The following CHM variants were observed in gnomAD, a reference collection of about 807,000 sequenced individuals.
CHM encodes rab proteins geranylgeranyltransferase component A 1.
A neutral mutation model predicts 49.0 loss-of-function variants in CHM; 10 were observed. The ratio of observed to expected loss-of-function variants is 0.20; its 90% CI spans 0.13 to 0.35. The LOEUF is 0.35. CHM is among the 10% of genes least tolerant of loss of function. The probability of loss-of-function intolerance (pLI) is 1.00; values close to 1 mark genes in which losing one functional copy is unlikely to be tolerated. For synonymous variants in CHM, 184 were observed against 167.5 expected, an observed-to-expected ratio of 1.10 and a Z score of -0.76; for missense variants, 455 against 478.4, an observed-to-expected ratio of 0.95 and a Z score of 0.46.
intron 8 of CHM, among the ~76,000 whole-genome samples, chrX:85,925,475 G>A (rs930337171): frequency 9.0e-6 from 1 of 111,311 alleles, no homozygotes; most frequent in African/African-American, 3.3e-5. Context: ...AGATACCTAA[G>A]CAAATTCATT....
At chrX:86,037,843 G>A (rs1484171339) in intron 1 of CHM, among the ~76,000 whole-genome samples, 1 of 111,111 alleles carries the variant, frequency 9.0e-6, no homozygotes, top group Non-Finnish European at 1.9e-5. Flanking sequence ...TAAGATGCAT[G>A]ATGTATCCAT....
At chrX:85,934,567 G>A (rs6623541) in intron 8 of CHM, among the ~76,000 whole-genome samples, 4 of 108,274 alleles carry the variant, frequency 3.7e-5, no homozygotes, top group Non-Finnish European at 7.6e-5. Context: ...AGTTTGCTCA[G>A]AATGATGGTT....
intron 2 of CHM, among the ~76,000 whole-genome samples, chrX:85,986,248 T>C (rs934943035): frequency 9.0e-6 from 1 of 111,081 alleles, no homozygotes; most frequent in African/African-American, 3.3e-5. Flanking sequence ...GCCCCCAGGA[T>C]ACAAGTAAAA....
At chrX:85,899,686 CG>C (rs752552246) in intron 11 of CHM, among the ~76,000 whole-genome samples, 1,145 of 65,934 alleles carry the variant, frequency 0.017, 14 homozygotes, top group African/African-American at 0.049. Flanking sequence ...ACCCACCCCC[CG>C]CCCCAAAAAA....
Position 86,013,947 on chromosome X carries a change from T to A in CHM, c.116+13544A>T, listed in dbSNP as rs1304030965. On this transcript the variant is annotated intron_variant, in intron 2 of 14. Transcript: ENST00000357749. ...GGGCCAGAGAGTAAATATTTTAGGC[T>A]TTGCAGGCCACACAGCCTCTGTTGC... Among the ~76,000 whole-genome samples, 4 of 111,721 alleles carry A rather than the reference T, an allele frequency of 3.6e-5. No individual in the cohort carries two copies. In the Admixed American group the frequency reaches 3.8e-4, roughly 11 times the overall value.
chrX:85,973,585 A>G (rs1931088620), intron 4 of CHM, among the ~76,000 whole-genome samples: 1 of 110,902 alleles, frequency 9.0e-6, no homozygotes, highest in South Asian at 3.8e-4. Context: ...AATACAGTAA[A>G]CTCTTGGCAT....
At chrX:85,878,018 G>A (rs1924519257) in intron 13 of CHM, among the ~76,000 whole-genome samples, 1 of 111,579 alleles carries the variant, frequency 9.0e-6, no homozygotes, top group East Asian at 2.8e-4. Flanking sequence ...AATGCAAAAG[G>A]CTTCTTTTAT....
intron 12 of CHM, among the ~76,000 whole-genome samples, chrX:85,888,508 C>T (rs1454212152): frequency 5.4e-5 from 6 of 111,345 alleles, no homozygotes; most frequent in Non-Finnish European, 5.7e-5. Flanking sequence ...TTCCTGAGTA[C>T]AGCTAAAAAT....
At chrX:86,033,335 T>C (rs1934112803) in intron 1 of CHM, among the ~76,000 whole-genome samples, 1 of 112,277 alleles carries the variant, frequency 8.9e-6, no homozygotes, top group Non-Finnish European at 1.9e-5. Context: ...TCAAATCATA[T>C]GAAACCATAA....
rs1933878477 is a variant in CHM at position 86,027,529 on chromosome X, T to C, written c.78A>G (p.Ala26=). The change falls in exon 2 of 15, where the codon GCA becomes GCG. Residue 26 remains alanine (A), a synonymous_variant. Coordinates refer to ENST00000357749, the MANE Select transcript of CHM (RefSeq NM_000390.4). The part of the protein sequence containing the change: ...TGLPESIIAA[A]CSRSGRRVLH... ...GAACTCTCCGGCCACTTCTTGAACA[T>C]GCAGCTGCAATGATGGATTCAGGCA... The C allele has an allele frequency of 8.3e-7, 1 of 1,207,848 alleles. No individual in the cohort carries two copies. The highest frequency in any genetic ancestry group is 1.8e-5 in the African/African-American group (1 of 57,031).
intron 2 of CHM, among the ~76,000 whole-genome samples, chrX:86,008,255 C>T (rs1408656036): frequency 9.0e-6 from 1 of 110,889 alleles, no homozygotes; most frequent in East Asian, 2.8e-4. Flanking sequence ...CGGGGCCTGT[C>T]GGCAGGTGGG....
At chrX:85,889,752 TC>T (rs1412504324) in intron 12 of CHM, among the ~76,000 whole-genome samples, 1 of 111,179 alleles carries the variant, frequency 9.0e-6, no homozygotes, top group East Asian at 2.8e-4. Flanking sequence ...AAAAATGCAC[TC>T]CCATGTTCAT....
At chrX:85,879,412 A>G (rs1488907678) in intron 12 of CHM, among the ~76,000 whole-genome samples, 4 of 112,154 alleles carry the variant, frequency 3.6e-5, no homozygotes, top group African/African-American at 1.3e-4. Flanking sequence ...ACACCCATTT[A>G]TACATGTTTT....
chrX:85,871,540 TATA>T lies in CHM; in HGVS notation c.1770+1509_1770+1511del, dbSNP rs762485070. On this transcript the variant is annotated intron_variant, in intron 14 of 14. Coordinates refer to ENST00000357749, the MANE Select transcript of CHM (RefSeq NM_000390.4). ...TGTCAATGTTCTTTAAAGTAGACAT[TATA>T]ATATTTCCCCCAAAATTGATGAGAT... 4.3e-4 allele frequency among the ~76,000 whole-genome samples: 47 copies of T among 110,228 alleles called. No individual in the cohort carries two copies. In the South Asian group the frequency reaches 0.015, roughly 36 times the overall value.
At position 85,867,544 on chromosome X, in the gene CHM, G is replaced by A. The variant is rs748452001; in HGVS notation, c.1771-2723C>T. Among the ~76,000 whole-genome samples, 111 of 112,178 alleles carry A rather than the reference G, an allele frequency of 9.9e-4. 2 individuals carry two copies. The highest frequency in any genetic ancestry group is 3.9e-4 in the Non-Finnish European group (21 of 53,269). On this transcript the variant is annotated intron_variant, in intron 14 of 14. Coordinates refer to ENST00000357749, the MANE Select transcript of CHM (RefSeq NM_000390.4). ...GTTCAAATGAAGAAAACTCTTCACT[G>A]TTTGTTCAACTATTTGCTTTTTGAT...
chrX:85,893,072 G>A (rs1405544618), intron 12 of CHM, among the ~76,000 whole-genome samples: 6 of 111,270 alleles, frequency 5.4e-5, no homozygotes, highest in African/African-American at 1.6e-4. Flanking sequence ...CTATGGTAAG[G>A]GAATATCTTA....
chrX:85,872,271 A>C (rs747348790), intron 14 of CHM, among the ~76,000 whole-genome samples: 1 of 112,369 alleles, frequency 8.9e-6, no homozygotes, highest in Non-Finnish European at 1.9e-5. Context: ...CTTAATGGAC[A>C]GATGTGCCAG....
chrX:85,975,641 G>C (rs1290431104), intron 4 of CHM, among the ~76,000 whole-genome samples: 1 of 112,269 alleles, frequency 8.9e-6, no homozygotes, highest in Non-Finnish European at 1.9e-5. Flanking sequence ...TGATTGTCAG[G>C]AGTTATGAAT....
chrX:85,943,771 A>G (rs753135422), intron 8 of CHM, among the ~76,000 whole-genome samples: 4 of 112,095 alleles, frequency 3.6e-5, no homozygotes, highest in Non-Finnish European at 7.5e-5. Context: ...TGAGTCAAGA[A>G]AAATGCATAT....
Sources: gnomAD v4.1 joint callset for allele counts (sites outside exome capture counted in the v4.1 genomes callset) on GRCh38, gnomAD v4.1.1 for gene constraint, MANE v1.5 for transcripts, NCBI Gene and HGNC (gene_info 2026-07-23, HGNC 2026-07-21) for gene names.